Variants in GRXCR1 observed in about 807,000 individuals in gnomAD.
The protein encoded by GRXCR1 is glutaredoxin domain-containing cysteine-rich protein 1.
A neutral mutation model predicts 27.3 loss-of-function variants in GRXCR1; 27 were observed. The ratio of observed to expected loss-of-function variants is 0.99; its 90% CI spans 0.73 to 1.37. GRXCR1 has a LOEUF of 1.37. Ranked by LOEUF, GRXCR1 falls within the 40% of genes most tolerant of loss-of-function variation. GRXCR1 has a pLI of 0.00. For synonymous variants in GRXCR1, 122 were observed against 131.1 expected, an observed-to-expected ratio of 0.93 and a Z score of 0.47; for missense variants, 379 against 354.4, an observed-to-expected ratio of 1.07 and a Z score of -0.56.
At chr4:42,899,668 G>A (rs1305624404) in intron 1 of GRXCR1, among the ~76,000 whole-genome samples, 2 of 152,078 alleles carry the variant, frequency 1.3e-5, no homozygotes, top group African/African-American at 2.4e-5. Flanking sequence ...TCTTGATCCT[G>A]CAAATCTCTA....
At chr4:42,987,229 TTA>T (rs1349228105) in intron 2 of GRXCR1, among the ~76,000 whole-genome samples, 8 of 92,228 alleles carry the variant, frequency 8.7e-5, no homozygotes, top group Admixed American at 2.7e-4. Flanking sequence ...ATATTATATA[TTA>T]TATATATATA....
intron 2 of GRXCR1, among the ~76,000 whole-genome samples, chr4:42,963,919 T>C (rs1352118895): frequency 6.6e-6 from 1 of 151,990 alleles, no homozygotes; most frequent in Non-Finnish European, 1.5e-5. Context: ...ACTTGGATCT[T>C]GGTTTCATTT....
intron 2 of GRXCR1, among the ~76,000 whole-genome samples, chr4:43,007,175 A>T (rs1712587915): frequency 6.6e-6 from 1 of 152,242 alleles, no homozygotes; most frequent in Admixed American, 6.5e-5. Flanking sequence ...AGGATCTGAG[A>T]CTTAAAGCAT....
At chr4:42,987,201 C>CATATATATATT (rs1711756600) in intron 2 of GRXCR1, among the ~76,000 whole-genome samples, 2 of 51,448 alleles carry the variant, frequency 3.9e-5, no homozygotes, top group African/African-American at 1.3e-4. Context: ...TCATAGTTTT[C>CATATATATATT]ATATATATAT....
At chr4:42,975,923 C>G (rs1275073273) in intron 2 of GRXCR1, among the ~76,000 whole-genome samples, 3 of 152,122 alleles carry the variant, frequency 2.0e-5, no homozygotes, top group African/African-American at 7.2e-5. Flanking sequence ...AGAGAAAGAA[C>G]TTTTGAAGGA....
chr4:42,977,071 G>A (rs79691144), intron 2 of GRXCR1, among the ~76,000 whole-genome samples: 3 of 151,924 alleles, frequency 2.0e-5, no homozygotes, highest in African/African-American at 7.3e-5. Context: ...TGTGCAATTT[G>A]CCTTACTGTG....
intron 2 of GRXCR1, among the ~76,000 whole-genome samples, chr4:42,971,084 A>G (rs751259609): frequency 2.0e-5 from 3 of 152,130 alleles, no homozygotes; most frequent in Non-Finnish European, 4.4e-5. Flanking sequence ...GAAAGATGCC[A>G]CCAGTCTCTT....
intron 1 of GRXCR1, among the ~76,000 whole-genome samples, chr4:42,954,543 A>G (rs1478429021): frequency 6.6e-6 from 1 of 152,124 alleles, no homozygotes; most frequent in South Asian, 2.1e-4. Flanking sequence ...TTCCATGTCT[A>G]TAAAACCTGG....
intron 2 of GRXCR1, among the ~76,000 whole-genome samples, chr4:43,002,323 C>T (rs1284300584): frequency 6.6e-6 from 1 of 152,270 alleles, no homozygotes; most frequent in Non-Finnish European, 1.5e-5. Context: ...GGGCAGAGGT[C>T]CCTGCGGCTT....
At chr4:42,985,953 C>A (rs908158674) in intron 2 of GRXCR1, among the ~76,000 whole-genome samples, 21 of 152,080 alleles carry the variant, frequency 1.4e-4, no homozygotes, top group African/African-American at 4.8e-4. Context: ...ATTTATTTTC[C>A]ATAAACATCT....
At chr4:43,018,531 T>A (rs938627353) in intron 2 of GRXCR1, among the ~76,000 whole-genome samples, 2 of 152,114 alleles carry the variant, frequency 1.3e-5, no homozygotes, top group Non-Finnish European at 2.9e-5. Context: ...TTGAGACAGG[T>A]CCTTTCTTGG....
chr4:42,923,151 C>A (rs1747060670), intron 1 of GRXCR1, among the ~76,000 whole-genome samples: 1 of 152,102 alleles, frequency 6.6e-6, no homozygotes, highest in Non-Finnish European at 1.5e-5. Context: ...ATTCACCCCT[C>A]CATAAGGGAG....
At chr4:42,989,605 G>A (rs10020820) in intron 2 of GRXCR1, among the ~76,000 whole-genome samples, 1,932 of 152,130 alleles carry the variant, frequency 0.013, 49 homozygotes, top group African/African-American at 0.044. Context: ...TGCAATAACT[G>A]GGTGTAGAAC....
At chr4:43,007,048 T>C (rs1350051360) in intron 2 of GRXCR1, among the ~76,000 whole-genome samples, 2 of 152,100 alleles carry the variant, frequency 1.3e-5, no homozygotes, top group African/African-American at 4.8e-5. Flanking sequence ...AGCAGGTAAA[T>C]AAATATGCAC....
chr4:42,978,556 CTT>C (rs1335818259), intron 2 of GRXCR1, among the ~76,000 whole-genome samples: 2 of 151,718 alleles, frequency 1.3e-5, no homozygotes, highest in Non-Finnish European at 2.9e-5. Flanking sequence ...ATTTTTGTAA[CTT>C]ATATAATTGA....
At chr4:42,971,648 A>C (rs1748390133) in intron 2 of GRXCR1, among the ~76,000 whole-genome samples, 1 of 152,104 alleles carries the variant, frequency 6.6e-6, no homozygotes, top group African/African-American at 2.4e-5. Context: ...CAACAAGGGG[A>C]AAATACACTC....
intron 1 of GRXCR1, among the ~76,000 whole-genome samples, chr4:42,914,204 T>A (rs1746833452): frequency 6.6e-6 from 1 of 152,146 alleles, no homozygotes; most frequent in African/African-American, 2.4e-5. Context: ...ATAGATCCAC[T>A]GACATCTTAC....
intron 2 of GRXCR1, among the ~76,000 whole-genome samples, chr4:43,000,971 G>T (rs544121195): frequency 3.3e-5 from 5 of 152,084 alleles, no homozygotes; most frequent in African/African-American, 1.2e-4. Flanking sequence ...CTGTTGCCCA[G>T]GCTGGAGTAC....
chr4:42,916,017 C>G (rs1746877657), intron 1 of GRXCR1, among the ~76,000 whole-genome samples: 2 of 150,620 alleles, frequency 1.3e-5, no homozygotes, highest in Admixed American at 6.7e-5. Flanking sequence ...CCCAGCCAAG[C>G]TACTAATCTA....
Sources: allele counts gnomAD v4.1 joint callset (sites outside exome capture counted in the v4.1 genomes callset), GRCh38; gene constraint gnomAD v4.1.1; transcripts MANE v1.5; gene names NCBI Gene and HGNC (gene_info 2026-07-23, HGNC 2026-07-21).